MYO16: variants seen among roughly 807,000 people sequenced by gnomAD.
MYO16 encodes the protein unconventional myosin-XVI.
MYO16 carries 94 observed loss-of-function variants against 205.3 expected under a neutral mutation model. The observed-to-expected ratio is 0.46, with a 90% confidence interval of 0.39 to 0.54. The LOEUF (loss-of-function observed/expected upper bound fraction) is 0.54, where lower values mean the gene tolerates loss of function less well. Among genes scored for constraint, MYO16 ranks in the 20% least tolerant of loss-of-function variants. The pLI is 0.00. For synonymous variants in MYO16, 988 were observed against 954.0 expected (o/e 1.04, Z -0.66); for missense variants, 2,315 against 2,387.5 (o/e 0.97, Z 0.63).
chr13:108,554,099 A>G, the MYO16 span, among the ~76,000 whole-genome samples: 2 of 151,952 alleles, frequency 1.3e-5, no homozygotes, highest in Non-Finnish European at 2.9e-5. Context: ...TAGGGCAAAT[A>G]CTCTGTCTTT....
At chr13:108,908,244 A>T (rs1881083765) in intron 15 of MYO16, among the ~76,000 whole-genome samples, 1 of 152,168 alleles carries the variant, frequency 6.6e-6, no homozygotes, top group South Asian at 2.1e-4. Flanking sequence ...GTCACCAATG[A>T]AAGGAATATT....
At chr13:109,078,397 T>A (rs923287044) in intron 27 of MYO16, among the ~76,000 whole-genome samples, 12 of 152,104 alleles carry the variant, frequency 7.9e-5, no homozygotes, top group Non-Finnish European at 1.5e-4. Flanking sequence ...TGAGATCTCA[T>A]GCCACTGTGC....
At chr13:109,181,195 A>C (rs1476026541) in intron 34 of MYO16, among the ~76,000 whole-genome samples, 1 of 152,234 alleles carries the variant, frequency 6.6e-6, no homozygotes, top group East Asian at 1.9e-4. Context: ...CTTGTTTTCA[A>C]ATGCAGACAT....
At chr13:108,852,893 G>A (rs539260981) in intron 10 of MYO16, among the ~76,000 whole-genome samples, 1 of 152,318 alleles carries the variant, frequency 6.6e-6, no homozygotes, top group African/African-American at 2.4e-5. Context: ...AAATATTCAA[G>A]AACTCACAGA....
At chr13:108,644,618 AAC>A (rs1192750064) in intron 1 of MYO16, among the ~76,000 whole-genome samples, 1 of 152,242 alleles carries the variant, frequency 6.6e-6, no homozygotes, top group Non-Finnish European at 1.5e-5. Flanking sequence ...AATTTTAATT[AAC>A]AGTCTCTAAA....
At chr13:108,968,099 C>T (rs1199156057) in intron 20 of MYO16, among the ~76,000 whole-genome samples, 1 of 152,198 alleles carries the variant, frequency 6.6e-6, no homozygotes, top group Non-Finnish European at 1.5e-5. Context: ...TCGCTCCATC[C>T]ACTCCACCTT....
intron 27 of MYO16, chr13:109,065,633 C>T (rs757288991): frequency 1.1e-5 from 5 of 450,874 alleles, no homozygotes; most frequent in Admixed American, 2.8e-5. Context: ...CTTTATCACC[C>T]TGTATGCTTG....
the MYO16 span, among the ~76,000 whole-genome samples, chr13:108,548,323 TGTG>T: frequency 1.4e-4 from 20 of 147,602 alleles, no homozygotes; most frequent in East Asian, 6.2e-4. Context: ...TGATTGTTGT[TGTG>T]GTGGTGGTGA....
At chr13:108,845,972 G>T (rs985724498) in intron 10 of MYO16, among the ~76,000 whole-genome samples, 2 of 151,978 alleles carry the variant, frequency 1.3e-5, no homozygotes, top group African/African-American at 4.8e-5. Flanking sequence ...GCCTCCCAAA[G>T]TGCTTGGATT....
At chr13:108,799,672 C>G (rs902964535) in intron 6 of MYO16, among the ~76,000 whole-genome samples, 10 of 152,160 alleles carry the variant, frequency 6.6e-5, no homozygotes, top group Admixed American at 2.0e-4. Context: ...CGAATTTTAT[C>G]CACAAATCCT....
intron 2 of MYO16, among the ~76,000 whole-genome samples, chr13:108,678,341 C>A (rs1406745448): frequency 6.6e-6 from 1 of 152,120 alleles, no homozygotes; most frequent in African/African-American, 2.4e-5. Context: ...TTTCATGATC[C>A]ACAGAACAGA....
the MYO16 span, among the ~76,000 whole-genome samples, chr13:108,572,078 C>A: frequency 0.013 from 2,017 of 151,954 alleles, 35 homozygotes; most frequent in South Asian, 0.085. Flanking sequence ...TGCCACCATG[C>A]CCAGCTGATT....
At chr13:108,743,470 T>A (rs1566582386) in intron 4 of MYO16, among the ~76,000 whole-genome samples, 1 of 152,192 alleles carries the variant, frequency 6.6e-6, no homozygotes, top group East Asian at 1.9e-4. Flanking sequence ...GAGGAGCTCT[T>A]TAAAGATTTT....
intron 23 of MYO16, among the ~76,000 whole-genome samples, chr13:109,040,090 T>G (rs531427346): frequency 1.4e-4 from 22 of 152,214 alleles, no homozygotes; most frequent in African/African-American, 5.1e-4. Context: ...AATGGATCAA[T>G]TCCTCAAAAA....
intron 10 of MYO16, among the ~76,000 whole-genome samples, chr13:108,850,046 T>C (rs1036404430): frequency 6.6e-6 from 1 of 151,600 alleles, no homozygotes; most frequent in Non-Finnish European, 1.5e-5. Context: ...TTTCCTCTTT[T>C]TTTGTGTGTG....
chr13:108,731,061 C>T (rs1423088763), intron 4 of MYO16, among the ~76,000 whole-genome samples: 8 of 152,310 alleles, frequency 5.3e-5, no homozygotes, highest in South Asian at 4.1e-4. Flanking sequence ...AACTCAATCA[C>T]ATTAATGGCC....
At chr13:108,548,713 T>C in the MYO16 span, among the ~76,000 whole-genome samples, 2 of 151,982 alleles carry the variant, frequency 1.3e-5, no homozygotes, top group African/African-American at 4.8e-5. Context: ...TGATGATGAA[T>C]GGTGATGATT....
At chr13:109,087,968 C>T (rs1044219529) in intron 27 of MYO16, among the ~76,000 whole-genome samples, 1 of 152,194 alleles carries the variant, frequency 6.6e-6, no homozygotes, top group African/African-American at 2.4e-5. Flanking sequence ...CTGATAAATA[C>T]AAGCCATGGC....
Position 108,961,607 on chromosome 13 carries a change from G to A in MYO16, c.2106G>A (p.Leu702=). The change falls in exon 18 of 35, where the codon CTG becomes CTA. Residue 702 remains leucine (L), a synonymous_variant. Transcript: ENST00000457511. ...LHLGDIRFTA[L]NEGNSAFVSD... ...TTGGAGACATTCGGTTTACTGCCCT[G>A]AATGAGGGGAACTCCGCCTTCGTTT... 1 of 1,614,134 alleles carries A rather than the reference G, an allele frequency of 6.2e-7. No homozygotes were observed. Among genetic ancestry groups the A allele is most frequent in the Non-Finnish European group, 8.5e-7 (1 of 1,180,000 alleles).
Sources: gnomAD v4.1 joint callset for allele counts (sites outside exome capture counted in the v4.1 genomes callset) on GRCh38, gnomAD v4.1.1 for gene constraint, MANE v1.5 for transcripts, NCBI Gene and HGNC (gene_info 2026-07-23, HGNC 2026-07-21) for gene names.